SRGAP1: variants seen among roughly 807,000 people sequenced by gnomAD.
The protein encoded by SRGAP1 is SLIT-ROBO Rho GTPase activating protein 1.
In SRGAP1, 43 loss-of-function variants were observed where a neutral mutation model predicts 121.9. The observed-to-expected ratio is 0.35, with a 90% CI of 0.28 to 0.46. The LOEUF (loss-of-function observed/expected upper bound fraction) is 0.46, where lower values mean the gene tolerates loss of function less well. SRGAP1 is among the 20% of genes least tolerant of loss of function. The probability of loss-of-function intolerance (pLI) is 1.00; values close to 1 mark genes in which losing one functional copy is unlikely to be tolerated. For synonymous variants in SRGAP1, 447 were observed against 485.4 expected (o/e 0.92, Z 1.04); for missense variants, 1,102 against 1,350.9 (o/e 0.82, Z 2.89).
intron 1 of SRGAP1, among the ~76,000 whole-genome samples, chr12:63,918,637 G>A (rs939666637): frequency 5.9e-5 from 9 of 152,122 alleles, no homozygotes; most frequent in Admixed American, 1.3e-4. Context: ...AGCTGGTCTC[G>A]AATCCCTGGG....
intron 3 of SRGAP1, among the ~76,000 whole-genome samples, chr12:64,002,667 T>G (rs1177742571): frequency 6.6e-6 from 1 of 152,150 alleles, no homozygotes; most frequent in Admixed American, 6.5e-5. Flanking sequence ...GAGCATTGTG[T>G]GAGTTCTAGA....
rs1326420889 is a variant in SRGAP1 at position 64,159,566 on chromosome 12, G to C, written c.*16894G>C. 6.5e-6 allele frequency: 1 copy of C among 152,762 alleles called. No individual in the cohort carries two copies. Among genetic ancestry groups the C allele is most frequent in the Non-Finnish European group, 1.5e-5 (1 of 68,510 alleles). The allele number at this position is 152,762 out of a possible 1,614,324, so 9.5% of individuals were successfully genotyped here. A position where few individuals can be genotyped will look rare whatever the true frequency, so the allele number is the denominator to read the frequency against. On this transcript the variant is annotated 3_prime_UTR_variant, in exon 22 of 22. Coordinates refer to ENST00000355086, the MANE Select transcript of SRGAP1 (RefSeq NM_020762.4). ...AAGTGAAAGGATCGCTTGAGCCTGG[G>C]AGGTAGACGCTGCAGTGAGCTGAGA...
intron 1 of SRGAP1, among the ~76,000 whole-genome samples, chr12:63,980,172 C>T (rs527271099): frequency 1.3e-5 from 2 of 152,336 alleles, no homozygotes; most frequent in South Asian, 4.1e-4. Context: ...TGCACCTCAG[C>T]CTCCTGGGTA....
intron 1 of SRGAP1, among the ~76,000 whole-genome samples, chr12:63,953,399 ATT>A (rs34352334): frequency 0.016 from 1,780 of 114,698 alleles, 6 homozygotes; most frequent in Non-Finnish European, 0.019. Context: ...TTCTTGATTG[ATT>A]TTTTTTTTTT....
intron 1 of SRGAP1, among the ~76,000 whole-genome samples, chr12:63,940,475 G>A (rs1430700801): frequency 1.3e-5 from 2 of 152,008 alleles, no homozygotes; most frequent in Non-Finnish European, 2.9e-5. Flanking sequence ...GGAAGGGGAT[G>A]GGCCATGTGT....
chr12:63,975,100 G>A (rs1362197564), intron 1 of SRGAP1, among the ~76,000 whole-genome samples: 6 of 152,182 alleles, frequency 3.9e-5, no homozygotes, highest in Admixed American at 3.9e-4. Context: ...TAATGAGAAA[G>A]TATTTTCCTA....
chr12:64,102,532 C>G (rs893572504), intron 15 of SRGAP1, among the ~76,000 whole-genome samples: 3 of 152,114 alleles, frequency 2.0e-5, no homozygotes, highest in Non-Finnish European at 4.4e-5. Flanking sequence ...AAAAGAAACC[C>G]CAGTTAGCAA....
At chr12:63,956,476 T>TA (rs991589641) in intron 1 of SRGAP1, among the ~76,000 whole-genome samples, 5 of 151,802 alleles carry the variant, frequency 3.3e-5, no homozygotes, top group Admixed American at 6.6e-5. Context: ...ACCAAGGCTA[T>TA]AAAAAAAACA....
intron 1 of SRGAP1, among the ~76,000 whole-genome samples, chr12:63,865,148 A>C (rs562855516): frequency 6.6e-6 from 1 of 152,128 alleles, no homozygotes; most frequent in Non-Finnish European, 1.5e-5. Context: ...CCAATGAAAA[A>C]TAAGTTTTTC....
At position 64,153,445 on chromosome 12, in the gene SRGAP1, C is replaced by G. The variant is rs553439888; in HGVS notation, c.*10773C>G. 1 of 150,410 alleles carries G rather than the reference C, an allele frequency of 6.6e-6. No individual in the cohort carries two copies. The highest frequency in any genetic ancestry group is 6.6e-5 in the Admixed American group (1 of 15,094). The allele number at this position is 150,410 out of a possible 1,614,324, so 9.3% of individuals were successfully genotyped here. A position where few individuals can be genotyped will look rare whatever the true frequency, so the allele number is the denominator to read the frequency against. On this transcript the variant is annotated 3_prime_UTR_variant, in exon 22 of 22. Transcript: ENST00000355086. ...CCGAGATTGTGCCACTGCACTACAG[C>G]CTGGGCGGCACAGTGAGACTCCATC... is the stretch of plus-strand genomic sequence containing the variant.
intron 1 of SRGAP1, among the ~76,000 whole-genome samples, chr12:63,867,035 A>G (rs926986486): frequency 6.6e-6 from 1 of 151,998 alleles, no homozygotes; most frequent in Admixed American, 6.6e-5. Flanking sequence ...TTCCCAGCTA[A>G]TTTTTTTATT....
intron 1 of SRGAP1, among the ~76,000 whole-genome samples, chr12:63,884,716 A>ATTC (rs1900314448): frequency 7.4e-6 from 1 of 135,840 alleles, no homozygotes; most frequent in Admixed American, 7.3e-5. Flanking sequence ...GGTCACCACC[A>ATTC]TTCTTTTTTT....
chr12:63,867,513 A>T (rs1273600723), intron 1 of SRGAP1, among the ~76,000 whole-genome samples: 1 of 152,218 alleles, frequency 6.6e-6, no homozygotes, highest in Non-Finnish European at 1.5e-5. Context: ...GAGACCTTGG[A>T]TAAAGCCAAT....
intron 4 of SRGAP1, chr12:64,032,713 T>G (rs369117614): frequency 3.4e-6 from 1 of 294,314 alleles, no homozygotes. Flanking sequence ...CTGCCTCATG[T>G]TTCTTCACTT....
chr12:64,054,460 C>A (rs534401974), intron 6 of SRGAP1, among the ~76,000 whole-genome samples: 1 of 152,272 alleles, frequency 6.6e-6, no homozygotes, highest in South Asian at 2.1e-4. Flanking sequence ...ATTCAGAGTT[C>A]AGAGTTTTCT....
intron 1 of SRGAP1, among the ~76,000 whole-genome samples, chr12:63,867,303 C>G (rs1899669836): frequency 6.6e-6 from 1 of 152,196 alleles, no homozygotes; most frequent in East Asian, 1.9e-4. Context: ...CTGGTCTGCA[C>G]CATGCCATAT....
intron 1 of SRGAP1, chr12:63,983,704 A>T (rs1474678411): frequency 2.0e-5 from 3 of 151,500 alleles, no homozygotes; most frequent in African/African-American, 7.3e-5. Flanking sequence ...CGGGACGCAG[A>T]GGTTACAGTG....
intron 1 of SRGAP1, among the ~76,000 whole-genome samples, chr12:63,960,777 G>A (rs1269547011): frequency 2.0e-5 from 3 of 152,184 alleles, no homozygotes; most frequent in African/African-American, 7.2e-5. Context: ...GGGAGAGAAG[G>A]TGATGATGTG....
At chr12:64,063,941 A>G (rs567900589) in intron 7 of SRGAP1, among the ~76,000 whole-genome samples, 2 of 151,518 alleles carry the variant, frequency 1.3e-5, no homozygotes, top group South Asian at 4.2e-4. Flanking sequence ...GTTTTTATAT[A>G]TATTTTATAT....
Sources: allele counts gnomAD v4.1 joint callset (sites outside exome capture counted in the v4.1 genomes callset), GRCh38; gene constraint gnomAD v4.1.1; transcripts MANE v1.5; gene names NCBI Gene and HGNC (gene_info 2026-07-23, HGNC 2026-07-21).